Variants in NEGR1 observed in about 807,000 individuals in gnomAD.
The protein encoded by NEGR1 is neuronal growth regulator 1.
A neutral mutation model predicts 40.9 loss-of-function variants in NEGR1; 10 were observed. The ratio of observed to expected loss-of-function variants is 0.24; its 90% CI spans 0.15 to 0.42. The LOEUF (loss-of-function observed/expected upper bound fraction) is 0.42. NEGR1 is among the 10% of genes least tolerant of loss of function. The pLI is 1.00. For synonymous variants in NEGR1, 185 were observed against 166.8 expected, an observed-to-expected ratio of 1.11 and a Z score of -0.84; for missense variants, 352 against 438.9, an observed-to-expected ratio of 0.80 and a Z score of 1.77.
intron 1 of NEGR1, among the ~76,000 whole-genome samples, chr1:72,138,071 C>T (rs1650537080): frequency 6.6e-6 from 1 of 151,944 alleles, no homozygotes; most frequent in Admixed American, 6.6e-5. Flanking sequence ...AAAAGTACTT[C>T]AGGCATAAGG....
chr1:72,087,384 T>C (rs532942768), intron 1 of NEGR1, among the ~76,000 whole-genome samples: 25 of 151,770 alleles, frequency 1.6e-4, no homozygotes, highest in Non-Finnish European at 3.4e-4. Context: ...TGAGCCAAGA[T>C]TGCGCCACTG....
chr1:71,520,057 A>T (rs1344253008), intron 6 of NEGR1, among the ~76,000 whole-genome samples: 1 of 152,066 alleles, frequency 6.6e-6, no homozygotes, highest in Non-Finnish European at 1.5e-5. Context: ...GGTCCCTAAA[A>T]ATATGGGTGA....
chr1:71,966,495 A>G (rs1048730666), intron 1 of NEGR1, among the ~76,000 whole-genome samples: 1 of 152,110 alleles, frequency 6.6e-6, no homozygotes, highest in Non-Finnish European at 1.5e-5. Flanking sequence ...TGTTTTTTCT[A>G]TACCTACTGA....
At chr1:72,043,009 T>C (rs540799601) in intron 1 of NEGR1, among the ~76,000 whole-genome samples, 1 of 152,110 alleles carries the variant, frequency 6.6e-6, no homozygotes, top group South Asian at 2.1e-4. Context: ...TCTGCATGCA[T>C]TGCATTTGTC....
At chr1:71,842,547 T>A (rs1659279414) in intron 2 of NEGR1, among the ~76,000 whole-genome samples, 1 of 152,194 alleles carries the variant, frequency 6.6e-6, no homozygotes, top group African/African-American at 2.4e-5. Context: ...ACAGTATAGA[T>A]GGAGAAATGT....
intron 6 of NEGR1, among the ~76,000 whole-genome samples, chr1:71,471,415 G>A (rs1646781271): frequency 6.6e-6 from 1 of 152,076 alleles, no homozygotes; most frequent in Admixed American, 6.6e-5. Context: ...AGAGGCCTTG[G>A]CGGCCAGATC....
At chr1:71,743,465 A>G (rs1655280849) in intron 3 of NEGR1, among the ~76,000 whole-genome samples, 1 of 151,940 alleles carries the variant, frequency 6.6e-6, no homozygotes. Context: ...TTTTATAACT[A>G]TATCAGCCTC....
intron 2 of NEGR1, among the ~76,000 whole-genome samples, chr1:71,789,853 GA>G (rs1657046677): frequency 6.6e-6 from 1 of 152,004 alleles, no homozygotes; most frequent in Non-Finnish European, 1.5e-5. Context: ...CTGAAAGGTG[GA>G]AAATCCAAAT....
chr1:72,084,006 A>G (rs1648108819), intron 1 of NEGR1, among the ~76,000 whole-genome samples: 1 of 152,122 alleles, frequency 6.6e-6, no homozygotes, highest in South Asian at 2.1e-4. Flanking sequence ...GAATAGATTC[A>G]TTGTCCTCAG....
At chr1:71,548,919 A>T (rs1180022045) in intron 6 of NEGR1, among the ~76,000 whole-genome samples, 1 of 151,736 alleles carries the variant, frequency 6.6e-6, no homozygotes, top group Non-Finnish European at 1.5e-5. Context: ...GTCAACGTAC[A>T]GTGATTTAAA....
intron 4 of NEGR1, among the ~76,000 whole-genome samples, chr1:71,689,919 T>G (rs1040268654): frequency 1.3e-5 from 2 of 151,928 alleles, no homozygotes; most frequent in Non-Finnish European, 2.9e-5. Flanking sequence ...ATTTTAACAT[T>G]TATCATTTAA....
intron 4 of NEGR1, among the ~76,000 whole-genome samples, chr1:71,631,685 A>G (rs2101564905): frequency 6.6e-6 from 1 of 151,900 alleles, no homozygotes; most frequent in African/African-American, 2.4e-5. Context: ...GAAAAACAAG[A>G]CTAACTAGAA....
intron 6 of NEGR1, among the ~76,000 whole-genome samples, chr1:71,430,658 A>T (rs867233040): frequency 1.8e-4 from 27 of 150,042 alleles, no homozygotes; most frequent in Middle Eastern, 6.8e-3. Flanking sequence ...GCTTTTTTTT[A>T]AAAAAAAAAA....
intron 2 of NEGR1, among the ~76,000 whole-genome samples, chr1:71,856,710 C>T (rs963741188): frequency 1.3e-5 from 2 of 151,976 alleles, no homozygotes. Context: ...TGTCATTATG[C>T]TAATTGTTGC....
chr1:71,604,077 G>A (rs921354452), intron 5 of NEGR1, among the ~76,000 whole-genome samples: 5 of 152,076 alleles, frequency 3.3e-5, no homozygotes, highest in African/African-American at 1.2e-4. Context: ...AAGACCCACT[G>A]AAAGAGAGCC....
intron 3 of NEGR1, among the ~76,000 whole-genome samples, chr1:71,715,990 G>A (rs1654259522): frequency 6.6e-6 from 1 of 152,120 alleles, no homozygotes; most frequent in Non-Finnish European, 1.5e-5. Context: ...TTCTCATGCT[G>A]TTGTAAAGAA....
At chr1:72,222,638 G>A (rs1293792729) in intron 1 of NEGR1, among the ~76,000 whole-genome samples, 2 of 152,234 alleles carry the variant, frequency 1.3e-5, no homozygotes, top group Admixed American at 6.6e-5. Flanking sequence ...CCTGAAATCT[G>A]GACAGGTATG....
At chr1:71,699,873 GT>G (rs1653624418) in intron 3 of NEGR1, among the ~76,000 whole-genome samples, 1 of 151,770 alleles carries the variant, frequency 6.6e-6, no homozygotes, top group Non-Finnish European at 1.5e-5. Context: ...GATCTGATGG[GT>G]TTATCAGGGG....
At chr1:71,605,520 C>A (rs1650050613) in intron 5 of NEGR1, among the ~76,000 whole-genome samples, 1 of 152,162 alleles carries the variant, frequency 6.6e-6, no homozygotes, top group Non-Finnish European at 1.5e-5. Flanking sequence ...CAGTATATTA[C>A]AATTCATGTT....
Sources: allele counts gnomAD v4.1 joint callset (sites outside exome capture counted in the v4.1 genomes callset), GRCh38; gene constraint gnomAD v4.1.1; transcripts MANE v1.5; gene names NCBI Gene and HGNC (gene_info 2026-07-23, HGNC 2026-07-21).